Variants in TLN2 observed in about 807,000 individuals in gnomAD.
The protein encoded by TLN2 is talin-2.
Under a neutral mutation model 294.7 loss-of-function variants are expected in TLN2, and 118 were observed. The ratio of observed to expected loss-of-function variants is 0.40; its 90% CI spans 0.34 to 0.47. The LOEUF is 0.47. TLN2 is among the 20% of genes least tolerant of loss of function. TLN2 has a pLI of 0.84. For missense variants in TLN2, 3,083 were observed against 3,282.2 expected, an observed-to-expected ratio of 0.94 and a Z score of 1.48; for synonymous variants, 1,431 against 1,304.5, an observed-to-expected ratio of 1.10 and a Z score of -2.09.
intron 1 of TLN2, among the ~76,000 whole-genome samples, chr15:62,559,849 G>T (rs2042819346): frequency 6.6e-6 from 1 of 152,168 alleles, no homozygotes; most frequent in African/African-American, 2.4e-5. Context: ...TTATCCAGAT[G>T]AACTTGCAAG....
At chr15:62,453,181 G>A (rs1410608408) in intron 1 of TLN2, among the ~76,000 whole-genome samples, 2 of 152,030 alleles carry the variant, frequency 1.3e-5, no homozygotes, top group East Asian at 3.9e-4. Flanking sequence ...AAAAGGGCAT[G>A]CGGTTGGCTA....
intron 2 of TLN2, among the ~76,000 whole-genome samples, chr15:62,599,940 C>T (rs1390925037): frequency 6.6e-6 from 1 of 152,066 alleles, no homozygotes; most frequent in Non-Finnish European, 1.5e-5. Flanking sequence ...ATGACTTGGG[C>T]GTTGTTCTGT....
intron 1 of TLN2, among the ~76,000 whole-genome samples, chr15:62,449,569 C>T (rs1351711336): frequency 6.6e-6 from 1 of 152,038 alleles, no homozygotes; most frequent in Non-Finnish European, 1.5e-5. Context: ...CTTGTAATCC[C>T]AGCACTTTGG....
At chr15:62,740,584 A>G (rs759523092) in intron 31 of TLN2, 46 bp from the exon 32 acceptor site, 69 of 1,608,878 alleles carry the variant, frequency 4.3e-5, no homozygotes, top group Non-Finnish European at 1.4e-5. Context: ...GCCTCCTTCA[A>G]GAAATGGACA....
chr15:62,473,008 A>G (rs1453541839), intron 1 of TLN2, among the ~76,000 whole-genome samples: 1 of 152,216 alleles, frequency 6.6e-6, no homozygotes, highest in Non-Finnish European at 1.5e-5. Context: ...TCCTGGTCAC[A>G]GAATGTGCCA....
intron 3 of TLN2, among the ~76,000 whole-genome samples, chr15:62,633,409 A>G (rs935099342): frequency 1.3e-5 from 2 of 152,124 alleles, no homozygotes; most frequent in African/African-American, 2.4e-5. Flanking sequence ...CCGTCCTCCT[A>G]CCTTAGGCCC....
chr15:62,650,059 G>C lies in TLN2; in HGVS notation c.137-25G>C, dbSNP rs2052409323. On this transcript the variant is annotated intron_variant, in intron 4 of 58. Transcript: ENST00000636159. Reference sequence around the variant, plus strand: ...TGGCTTCATCACCACTTTGCCTTCTGTTTTTCTTCCCATTTATATTTCAGC... The same window carrying C: ...TGGCTTCATCACCACTTTGCCTTCTCTTTTTCTTCCCATTTATATTTCAGC... The C allele has an allele frequency of 1.9e-6, 3 of 1,612,942 alleles. No homozygotes were observed. In the African/African-American group the frequency reaches 4.0e-5, roughly 22 times the overall value.
At chr15:62,769,534 C>A (rs1024643156) in intron 41 of TLN2, among the ~76,000 whole-genome samples, 3 of 152,216 alleles carry the variant, frequency 2.0e-5, no homozygotes, top group Admixed American at 1.3e-4. Flanking sequence ...TGTAAGATAA[C>A]CATAGAGGAA....
At chr15:62,578,467 T>G (rs956090760) in intron 1 of TLN2, among the ~76,000 whole-genome samples, 2 of 152,120 alleles carry the variant, frequency 1.3e-5, no homozygotes, top group African/African-American at 4.8e-5. Context: ...CTCGGGAGGC[T>G]GAGGCAGGAG....
At chr15:62,716,595 A>C (rs2059787332) in intron 23 of TLN2, 136 bp downstream of exon 23, 2 of 1,240,318 alleles carry the variant, frequency 1.6e-6, no homozygotes, top group Non-Finnish European at 1.1e-6. Flanking sequence ...TGAAGGTTTG[A>C]GTACTATAAA....
rs2058750719 is a variant in TLN2 at position 62,702,072 on chromosome 15, G to C, written c.1777G>C (p.Gly593Arg). 1 of 1,614,242 alleles carries C rather than the reference G, an allele frequency of 6.2e-7. No individual in the cohort carries two copies. The highest frequency in any genetic ancestry group is 8.5e-7 in the Non-Finnish European group (1 of 1,180,054). Reference sequence around the variant, plus strand: ...TTCCAACCTGACGGAGATGTCCAAGGGTGTGAAGCTATTGGCCGCCCTCAT... The same window carrying C: ...TTCCAACCTGACGGAGATGTCCAAGCGTGTGAAGCTATTGGCCGCCCTCAT... ...ISSNLTEMSK[G>R]VKLLAALMDD... Residue 593 changes from glycine to arginine, a missense_variant, in exon 18 of 59, where the codon GGT becomes CGT. Coordinates refer to ENST00000636159, the MANE Select transcript of TLN2 (RefSeq NM_015059.3).
intron 1 of TLN2, among the ~76,000 whole-genome samples, chr15:62,462,034 G>A (rs1566993118): frequency 2.0e-5 from 3 of 152,154 alleles, no homozygotes; most frequent in East Asian, 1.9e-4. Flanking sequence ...CAGCCTGGCC[G>A]ATATGGTGAA....
intron 1 of TLN2, among the ~76,000 whole-genome samples, chr15:62,456,060 A>C (rs2036459204): frequency 1.3e-5 from 2 of 149,314 alleles, no homozygotes; most frequent in African/African-American, 5.0e-5. Flanking sequence ...ACAGAGTAAG[A>C]CTCTTAAAAA....
intron 1 of TLN2, among the ~76,000 whole-genome samples, chr15:62,541,759 G>A (rs1332762608): frequency 6.6e-6 from 1 of 151,990 alleles, no homozygotes; most frequent in Non-Finnish European, 1.5e-5. Context: ...ATATAGGTGT[G>A]TATATATACA....
chr15:62,775,511 TC>T (rs1459752206), intron 42 of TLN2, among the ~76,000 whole-genome samples: 4 of 152,200 alleles, frequency 2.6e-5, no homozygotes, highest in African/African-American at 9.6e-5. Flanking sequence ...AGGATAACCA[TC>T]CATGATCAAC....
intron 58 of TLN2, 150 bp from the exon 59 acceptor site, chr15:62,840,330 CAG>C: frequency 6.1e-6 from 7 of 1,139,758 alleles, no homozygotes; most frequent in Non-Finnish European, 8.7e-6. Flanking sequence ...CAAACAGTGA[CAG>C]AGGCTGGTCG....
chr15:62,611,851 G>C (rs2047942563), intron 2 of TLN2, among the ~76,000 whole-genome samples: 2 of 152,180 alleles, frequency 1.3e-5, no homozygotes, highest in Admixed American at 1.3e-4. Flanking sequence ...CTGTAAAATG[G>C]AGATAAGAAT....
In TLN2 at chr15:62,722,558, C is replaced by T; in HGVS notation, c.3126+71C>T. 4 of 1,516,416 alleles carry T rather than the reference C, an allele frequency of 2.6e-6. No homozygotes were observed. In the Admixed American group the frequency reaches 5.7e-5, roughly 22 times the overall value. 93.9% of individuals were successfully genotyped at this position (1,516,416 alleles called of 1,614,324 possible). ...GGGGTGGCATGGGTACCACCCAGGG[C>T]CTGAACACTGCTGAACCTATTTCTT... On this transcript the variant is annotated intron_variant, in intron 26 of 58. Transcript: ENST00000636159.
At chr15:62,602,721 T>G (rs1342107745) in intron 2 of TLN2, among the ~76,000 whole-genome samples, 1 of 152,112 alleles carries the variant, frequency 6.6e-6, no homozygotes, top group African/African-American at 2.4e-5. Context: ...GGGCCTCTTT[T>G]ATAATGGCAC....
Sources: allele counts gnomAD v4.1 joint callset (sites outside exome capture counted in the v4.1 genomes callset), GRCh38; gene constraint gnomAD v4.1.1; transcripts MANE v1.5; gene names NCBI Gene and HGNC (gene_info 2026-07-23, HGNC 2026-07-21).